Variants in COX4I2 observed in about 807,000 individuals in gnomAD.
COX4I2 encodes cytochrome c oxidase subunit 4I2.
COX4I2 carries 15 observed loss-of-function variants against 20.8 expected under a neutral mutation model. The observed-to-expected ratio is 0.72, with a 90% confidence interval of 0.48 to 1.11. COX4I2 has a LOEUF of 1.11. COX4I2 is among the 50% of genes most tolerant of loss of function. COX4I2 has a pLI of 0.00. For missense variants in COX4I2, 224 were observed against 223.0 expected (o/e 1.00, Z -0.03); for synonymous variants, 80 against 78.1 (o/e 1.02, Z -0.13).
In COX4I2 at chr20:31,640,104, G is replaced by A. The variant is rs958420874; in HGVS notation, c.247+7G>A. The A allele has an allele frequency of 7.5e-6, 12 of 1,603,840 alleles. No homozygotes were observed. The East Asian group carries it at 2.7e-4, about 36-fold the overall frequency. On this transcript the variant is annotated splice_region_variant and intron_variant, in intron 3 of 4. Transcript: ENST00000376075. ...CACGCCGAAAAGGTGGCCTGTAAGT[G>A]TCAGGGTGGGGCTGGCTGGAGAGAG...
At chr20:31,643,659 T>TCTCATTGAACTGGAGCCG in intron 4 of COX4I2, 124 bp downstream of exon 4, 1 of 1,187,954 alleles carries the variant, frequency 8.4e-7, no homozygotes, top group Non-Finnish European at 1.2e-6. Context: ...TCTGAAGAGG[T>TCTCATTGAACTGGAGCCG]GTAGGGTGAA....
intron 1 of COX4I2, 63 bp from the exon 2 acceptor site, chr20:31,638,955 C>G: frequency 6.6e-7 from 1 of 1,510,212 alleles, no homozygotes; most frequent in East Asian, 2.4e-5. Flanking sequence ...TCCATCTGGC[C>G]CTGCGGTTTG....
rs192726865 is a variant in COX4I2, at chr20:31,643,579, C to T, written c.379+44C>T. 7 of 1,612,186 alleles carry T rather than the reference C, an allele frequency of 4.3e-6. No homozygotes were observed. In the Admixed American group the frequency reaches 6.7e-5, roughly 15 times the overall value. ...TCTGGCTGCAGTCCTGGGCCATGCC[C>T]TTGTGGTCACGGCCACCAGACAGTT... On this transcript the variant is annotated intron_variant, in intron 4 of 4. Transcript: ENST00000376075.
chr20:31,639,322 A>G, intron 2 of COX4I2: 1 of 981,158 alleles, frequency 1.0e-6, no homozygotes, highest in South Asian at 4.7e-5. Context: ...CTTCCTTAGG[A>G]GCCAGCCCCC....
At chr20:31,642,733 G>A (rs2060475506) in intron 3 of COX4I2, among the ~76,000 whole-genome samples, 1 of 152,020 alleles carries the variant, frequency 6.6e-6, no homozygotes, top group East Asian at 1.9e-4. Flanking sequence ...CACTGCGCCC[G>A]GACTTACCTG....
intron 3 of COX4I2, 40 bp from the exon 4 acceptor site, chr20:31,643,364 A>G: frequency 6.2e-7 from 1 of 1,613,102 alleles, no homozygotes; most frequent in Middle Eastern, 1.8e-4. Context: ...CTTAGAGTGG[A>G]CGCACCTGAG....
At chr20:31,641,866 ATT>A (rs112080894) in intron 3 of COX4I2, among the ~76,000 whole-genome samples, 3 of 145,946 alleles carry the variant, frequency 2.1e-5, no homozygotes, top group African/African-American at 5.0e-5. Context: ...ACACCTGGCT[ATT>A]TTTTTTTTTG....
chr20:31,639,157 T>C (rs2060452403), intron 2 of COX4I2, 58 bp downstream of exon 2: 1 of 1,558,270 alleles, frequency 6.4e-7, no homozygotes, highest in Admixed American at 1.9e-5. Flanking sequence ...AGGGGTCCCC[T>C]CTGCAGGCTG....
intron 1 of COX4I2, among the ~76,000 whole-genome samples, chr20:31,638,499 A>C (rs2122318444): frequency 1.3e-5 from 2 of 151,024 alleles, no homozygotes; most frequent in Admixed American, 1.3e-4. Flanking sequence ...CAGATCCAGC[A>C]GAGCAGGCCT....
rs2060457844 is a variant in COX4I2, at chr20:31,639,961, C to T, written c.111C>T (p.Tyr37=). Residue 37 remains tyrosine (Y), a synonymous_variant, in exon 3 of 5, where the codon TAC becomes TAT. Transcript: ENST00000376075. ...GTGGTGGGGGGAAGATGTCCCCCTA[C>T]ACCAACTGCTATGCCCAGCGCTACT... ...TTRGGGKMSP[Y]TNCYAQRYYP... 1.9e-6 allele frequency: 3 copies of T among 1,614,056 alleles called. No homozygotes were observed. The highest frequency in any genetic ancestry group is 2.7e-5 in the African/African-American group (2 of 74,938).
intron 1 of COX4I2, among the ~76,000 whole-genome samples, chr20:31,638,230 C>T (rs2060447095): frequency 6.6e-6 from 1 of 152,036 alleles, no homozygotes; most frequent in South Asian, 2.1e-4. Context: ...CCCTCTTTTC[C>T]AGAAGTGTGG....
intron 3 of COX4I2, among the ~76,000 whole-genome samples, chr20:31,642,031 TAG>T (rs911730805): frequency 1.3e-5 from 2 of 151,956 alleles, no homozygotes; most frequent in Non-Finnish European, 2.9e-5. Context: ...TATATTTCTG[TAG>T]AGACAGAGCA....
intron 2 of COX4I2, 112 bp downstream of exon 2, chr20:31,639,211 ACTTCC>A: frequency 6.5e-7 from 1 of 1,537,694 alleles, no homozygotes; most frequent in South Asian, 1.2e-5. Context: ...TTCCTACCAC[ACTTCC>A]CATGTTCCCA....
At chr20:31,642,310 T>G (rs1240848034) in intron 3 of COX4I2, among the ~76,000 whole-genome samples, 1 of 152,182 alleles carries the variant, frequency 6.6e-6, no homozygotes, top group Non-Finnish European at 1.5e-5. Flanking sequence ...CCCAAGTATC[T>G]TCCCAAAACC....
intron 1 of COX4I2, among the ~76,000 whole-genome samples, chr20:31,638,584 C>T (rs1568831391): frequency 6.6e-6 from 1 of 151,960 alleles, no homozygotes; most frequent in Non-Finnish European, 1.5e-5. Context: ...GGTGCAGGGG[C>T]CTCTGGCCCC....
rs1050846788 is a variant in COX4I2, at chr20:31,639,946, G to A, written c.96G>A (p.Gly32=). Residue 32 remains glycine, a synonymous_variant, in exon 3 of 5, where the codon GGG becomes GGA. Coordinates refer to ENST00000376075, the MANE Select transcript of COX4I2 (RefSeq NM_032609.3). ...TTGTGTCTGCAGCCCGTGGTGGGGG[G>A]AAGATGTCCCCCTACACCAACTGCT... ...HSSEGTTRGG[G]KMSPYTNCYA... is the part of the protein sequence containing the mutation. The A allele has an allele frequency of 6.8e-6, 11 of 1,613,972 alleles. No homozygotes were observed. The highest frequency in any genetic ancestry group is 2.7e-5 in the African/African-American group (2 of 74,918).
intron 3 of COX4I2, among the ~76,000 whole-genome samples, chr20:31,642,659 C>T (rs1250873419): frequency 9.9e-5 from 15 of 151,828 alleles, no homozygotes; most frequent in Non-Finnish European, 1.5e-5. Flanking sequence ...AGGATGGTCT[C>T]GATCTCCTGA....
At chr20:31,641,706 T>A (rs572470581) in intron 3 of COX4I2, among the ~76,000 whole-genome samples, 5 of 152,228 alleles carry the variant, frequency 3.3e-5, no homozygotes, top group African/African-American at 1.2e-4. Context: ...AACAACTTTT[T>A]TTTTTTCCTT....
chr20:31,640,954 TACACACACACACAC>T (rs35214276), intron 3 of COX4I2, among the ~76,000 whole-genome samples: 39 of 133,612 alleles, frequency 2.9e-4, no homozygotes, highest in East Asian at 1.6e-3. Context: ...TCTCTCTTTC[TACACACACACACAC>T]ACACACACAC....
Sources: allele counts gnomAD v4.1 joint callset (sites outside exome capture counted in the v4.1 genomes callset), GRCh38; gene constraint gnomAD v4.1.1; transcripts MANE v1.5; gene names NCBI Gene and HGNC (gene_info 2026-07-23, HGNC 2026-07-21).